The following STXBP2 variants were observed in gnomAD, a reference collection of about 807,000 sequenced individuals.
STXBP2 encodes syntaxin binding protein 2.
Under a neutral mutation model 72.2 loss-of-function variants are expected in STXBP2, and 47 were observed. That is an observed-to-expected ratio of 0.65 (90% confidence interval 0.51 to 0.83). The LOEUF is 0.83. Ranked by LOEUF, STXBP2 falls within the 40% of genes least tolerant of loss-of-function variation. The pLI, the probability that STXBP2 is intolerant of heterozygous loss-of-function variation, is 0.00. For synonymous variants in STXBP2, 367 were observed against 338.7 expected, an observed-to-expected ratio of 1.08 and a Z score of -0.92; for missense variants, 702 against 807.6, an observed-to-expected ratio of 0.87 and a Z score of 1.58.
upstream of STXBP2, chr19:7,633,585 C>A: frequency 1.2e-6 from 1 of 818,186 alleles, no homozygotes; most frequent in Non-Finnish European, 2.0e-6. Flanking sequence ...CATGCCCCAT[C>A]TGCTCCCACC....
chr19:7,640,651 G>C (rs77272119), intron 4 of STXBP2, 80 bp from the exon 5 acceptor site: 1 of 1,564,838 alleles, frequency 6.4e-7, no homozygotes, highest in African/African-American at 1.4e-5. Flanking sequence ...GGTGGCAGAT[G>C]GGGGGTGGCT....
In STXBP2 at chr19:7,638,641, G is replaced by C; in HGVS notation, c.38-85G>C. ...AAAAGTAAATGGGAATTAAGATGGG[G>C]GTTCAGCCCCAAGGCTGAGAAGGCT... On this transcript the variant is annotated intron_variant, in intron 1 of 18. Transcript: ENST00000221283. The C allele has an allele frequency of 2.1e-6, 3 of 1,421,408 alleles. No homozygotes were observed. In the South Asian group the frequency reaches 3.5e-5, roughly 17 times the overall value. 88.0% of individuals were successfully genotyped at this position (1,421,408 alleles called of 1,614,324 possible). A position where few individuals can be genotyped will look rare whatever the true frequency, so the allele number is the denominator to read the frequency against.
upstream of STXBP2, chr19:7,633,498 G>A (rs72994436): frequency 0.013 from 20,058 of 1,553,242 alleles, 155 homozygotes; most frequent in Non-Finnish European, 0.015. Flanking sequence ...CCTCTGCCCC[G>A]GCCCAGTGCC....
rs1349313045 is a variant in STXBP2 at position 7,642,540 on chromosome 19, C to T, written c.902+4C>T. Reference sequence around the variant, plus strand: ...TGCATATCGCAGATGTGTCCAAGTGCGTGCACACGGGGACCGGATCCCCCC... The same window carrying T: ...TGCATATCGCAGATGTGTCCAAGTGTGTGCACACGGGGACCGGATCCCCCC... On this transcript the variant is annotated splice_donor_region_variant and intron_variant, in intron 10 of 18. Transcript: ENST00000221283. This position sits in a 1 kb window ranked among gnomAD's most constrained non-coding sequence, Gnocchi z 6.0. 1.3e-5 allele frequency: 21 copies of T among 1,613,444 alleles called. No homozygotes were observed. The highest frequency in any genetic ancestry group is 1.6e-5 in the Non-Finnish European group (19 of 1,179,678).
chr19:7,634,918 C>A (rs11260005), upstream of STXBP2, among the ~76,000 whole-genome samples: 8 of 151,974 alleles, frequency 5.3e-5, no homozygotes, highest in South Asian at 1.7e-3. Flanking sequence ...ACCCATTTCC[C>A]CACCCCCCCA....
intron 6 of STXBP2, among the ~76,000 whole-genome samples, 160 bp from the exon 7 acceptor site, chr19:7,641,545 G>A (rs1045094166): frequency 2.6e-5 from 4 of 152,186 alleles, no homozygotes; most frequent in African/African-American, 7.2e-5. Flanking sequence ...GACTCCTGCA[G>A]GCATGGGTTT....
chr19:7,639,864 GTGTGTATGTCTGCA>G, intron 4 of STXBP2, 57 bp downstream of exon 4: 1 of 1,553,006 alleles, frequency 6.4e-7, no homozygotes, highest in African/African-American at 1.4e-5. Flanking sequence ...ATGTGCATGT[GTGTGTATGTCTGCA>G]TGCATGTGAT....
intron 16 of STXBP2, 56 bp from the exon 17 acceptor site, chr19:7,647,106 C>T: frequency 6.3e-7 from 1 of 1,590,648 alleles, no homozygotes. Context: ...GGGGGCACTC[C>T]TGACCCCGGA....
At chr19:7,633,087 G>C (rs901081646), upstream of STXBP2, 7 of 1,220,948 alleles carry the variant, frequency 5.7e-6, no homozygotes, top group Non-Finnish European at 7.7e-6. Context: ...GACAGGCTCC[G>C]ATGCGTGTCC....
At chr19:7,644,098 C>T (rs1259727895) in intron 13 of STXBP2, among the ~76,000 whole-genome samples, 39 of 102,692 alleles carry the variant, frequency 3.8e-4, no homozygotes, top group East Asian at 8.5e-4. Flanking sequence ...GAGCTGGGAC[C>T]TGGGTGAGGG....
upstream of STXBP2, chr19:7,632,150 C>G (rs1221319419): frequency 1.5e-6 from 1 of 652,344 alleles, no homozygotes; most frequent in Non-Finnish European, 2.6e-6. The surrounding 1 kb of genome is among the most constrained non-coding windows in gnomAD (Gnocchi z 5.2). Context: ...TTGGCCTCCC[C>G]AGAACCTTCA....
At chr19:7,633,543 T>C, upstream of STXBP2, 1 of 1,328,042 alleles carries the variant, frequency 7.5e-7, no homozygotes, top group Non-Finnish European at 1.1e-6. Flanking sequence ...GACGTGGGGG[T>C]GTGGATTCCC....
rs752685246 is a variant in STXBP2 at position 7,640,316 on chromosome 19, CTGTG to C, written c.247-410_247-407del. ...CATGTGTCTATGTATGTGTGTGCAT[CTGTG>C]TGTGCGTGTGTATGCGTGTGTGTAT... On this transcript the variant is annotated intron_variant, in intron 4 of 18. Coordinates refer to ENST00000221283, the MANE Select transcript of STXBP2 (RefSeq NM_006949.4). 19 of 522,100 alleles carry C rather than the reference CTGTG, an allele frequency of 3.6e-5. No individual in the cohort carries two copies. In the Admixed American group the frequency reaches 4.4e-4, roughly 12 times the overall value. 32.3% of individuals were successfully genotyped at this position (522,100 alleles called of 1,614,324 possible).
intron 6 of STXBP2, 124 bp from the exon 7 acceptor site, chr19:7,641,581 T>C (rs1202296080): frequency 1.5e-6 from 2 of 1,356,406 alleles, no homozygotes; most frequent in African/African-American, 2.9e-5. Flanking sequence ...CTGCCTCCAA[T>C]TCGGCAAAGC....
chr19:7,631,248 G>C, the STXBP2 span: 7 of 1,412,688 alleles, frequency 5.0e-6, no homozygotes, highest in Non-Finnish European at 6.4e-6. Context: ...GTAAGGAACC[G>C]AGAGCAGAGG....
chr19:7,632,966 G>A (rs530390897), upstream of STXBP2: 40 of 1,468,898 alleles, frequency 2.7e-5, no homozygotes, highest in Admixed American at 1.9e-4. The surrounding 1 kb of genome is among the most constrained non-coding windows in gnomAD (Gnocchi z 5.2). Flanking sequence ...GGTCCCCGCC[G>A]ATCCTCTCTG....
intron 18 of STXBP2, 102 bp from the exon 19 acceptor site, chr19:7,647,623 G>A: frequency 9.4e-6 from 15 of 1,599,568 alleles, no homozygotes; most frequent in Non-Finnish European, 1.2e-5. Context: ...GACCTGGTTT[G>A]CTGAGGGACA....
At chr19:7,640,522 ATGCGTGTG>A (rs2031817801) in intron 4 of STXBP2, 1 of 679,452 alleles carries the variant, frequency 1.5e-6, no homozygotes. Flanking sequence ...GCATGTGTGC[ATGCGTGTG>A]TATGTGTGTG....
At position 7,640,338 on chromosome 19, in the gene STXBP2, G is replaced by C. The variant is rs767679328; in HGVS notation, c.247-393G>C. 19 of 531,182 alleles carry C rather than the reference G, an allele frequency of 3.6e-5. No homozygotes were observed. The African/African-American group carries it at 3.8e-4, about 11-fold the overall frequency. 32.9% of individuals were successfully genotyped at this position (531,182 alleles called of 1,614,324 possible). On this transcript the variant is annotated intron_variant, in intron 4 of 18. Coordinates refer to ENST00000221283, the MANE Select transcript of STXBP2 (RefSeq NM_006949.4). ...CATCTGTGTGTGCGTGTGTATGCGT[G>C]TGTGTATGCGTCTGTGCATGTGTGT...
Sources: gnomAD v4.1 joint callset for allele counts (sites outside exome capture counted in the v4.1 genomes callset) on GRCh38, gnomAD v4.1.1 for gene constraint, Gnocchi (gnomAD v3.1) non-coding constraint, MANE v1.5 for transcripts, NCBI Gene and HGNC (gene_info 2026-07-23, HGNC 2026-07-21) for gene names.